Variants in CPED1 observed in about 807,000 individuals in gnomAD.
The protein encoded by CPED1 is cadherin like and PC-esterase domain containing 1.
CPED1 carries 114 observed loss-of-function variants against 128.2 expected under a neutral mutation model. That is an observed-to-expected ratio of 0.89 (90% CI 0.76 to 1.04). CPED1 has a LOEUF of 1.04. Among genes scored for constraint, CPED1 ranks in the 50% least tolerant of loss-of-function variants. The probability of loss-of-function intolerance (pLI) is 0.00; values close to 1 mark genes in which losing one functional copy is unlikely to be tolerated. For synonymous variants in CPED1, 462 were observed against 426.7 expected, an observed-to-expected ratio of 1.08 and a Z score of -1.02; for missense variants, 1,211 against 1,207.1, an observed-to-expected ratio of 1.00 and a Z score of -0.05.
At chr7:121,219,298 G>C (rs1349236608) in intron 16 of CPED1, among the ~76,000 whole-genome samples, 1 of 151,848 alleles carries the variant, frequency 6.6e-6, no homozygotes, top group East Asian at 1.9e-4. Flanking sequence ...TTTTCCAGTC[G>C]AAATCCTACA....
intron 3 of CPED1, among the ~76,000 whole-genome samples, chr7:121,030,788 A>G (rs1406704643): frequency 6.6e-6 from 1 of 152,220 alleles, no homozygotes; most frequent in African/African-American, 2.4e-5. Flanking sequence ...TGTACTATCC[A>G]TAGTTTCAGG....
intron 16 of CPED1, among the ~76,000 whole-genome samples, chr7:121,194,018 C>CTATATATATA (rs34408932): frequency 8.4e-5 from 6 of 71,526 alleles, no homozygotes; most frequent in South Asian, 1.0e-3. Flanking sequence ...CTCTCTCTCT[C>CTATATATATA]TCTCTATATA....
At chr7:121,078,761 C>G (rs1794205604) in intron 5 of CPED1, among the ~76,000 whole-genome samples, 1 of 152,142 alleles carries the variant, frequency 6.6e-6, no homozygotes, top group Non-Finnish European at 1.5e-5. Context: ...ACACTGTGAC[C>G]AGGAGAATAG....
chr7:121,256,132 A>AAAAAAAAAAC (rs1791864894), intron 18 of CPED1, among the ~76,000 whole-genome samples: 7 of 147,962 alleles, frequency 4.7e-5, no homozygotes, highest in African/African-American at 1.8e-4. Context: ...AACAAAACAA[A>AAAAAAAAAAC]AAAAAAAAAC....
intron 3 of CPED1, among the ~76,000 whole-genome samples, chr7:121,025,763 G>T (rs1055219912): frequency 6.6e-6 from 1 of 152,002 alleles, no homozygotes; most frequent in East Asian, 1.9e-4. Flanking sequence ...CTCCCGTCAA[G>T]AATTTTTTGT....
intron 2 of CPED1, among the ~76,000 whole-genome samples, chr7:121,002,654 G>A (rs1382110119): frequency 6.8e-6 from 1 of 146,416 alleles, no homozygotes; most frequent in Admixed American, 6.7e-5. Context: ...AAGGAGGTGA[G>A]TGTACTATGT....
intron 4 of CPED1, among the ~76,000 whole-genome samples, chr7:121,059,172 T>C (rs1793585653): frequency 6.6e-6 from 1 of 152,160 alleles, no homozygotes; most frequent in Non-Finnish European, 1.5e-5. Context: ...AGAGATTGAT[T>C]TCTAGCTCTA....
intron 4 of CPED1, among the ~76,000 whole-genome samples, chr7:121,053,768 T>C (rs2721337): frequency 0.81 from 123,908 of 152,146 alleles, 50,571 homozygotes; most frequent in Admixed American, 0.87. Flanking sequence ...AAAAGCTAGT[T>C]TTTCTCCCGA....
At chr7:121,004,748 T>TG (rs1280075055) in intron 2 of CPED1, among the ~76,000 whole-genome samples, 3 of 128,014 alleles carry the variant, frequency 2.3e-5, no homozygotes, top group African/African-American at 8.1e-5. Flanking sequence ...AGTAGACACT[T>TG]GTGACCATAT....
At chr7:121,121,691 T>C (rs1795393331) in intron 7 of CPED1, among the ~76,000 whole-genome samples, 1 of 152,226 alleles carries the variant, frequency 6.6e-6, no homozygotes, top group Admixed American at 6.5e-5. Context: ...TTGACTGTTT[T>C]AAATTAGGAG....
intron 5 of CPED1, among the ~76,000 whole-genome samples, chr7:121,072,153 C>A (rs1794006752): frequency 7.0e-6 from 1 of 143,602 alleles, no homozygotes; most frequent in Admixed American, 7.3e-5. Flanking sequence ...AGCCACCAAC[C>A]AATTCTACAT....
intron 22 of CPED1, among the ~76,000 whole-genome samples, chr7:121,272,841 ACAACACCC>A (rs1792259783): frequency 6.6e-6 from 1 of 151,988 alleles, no homozygotes; most frequent in African/African-American, 2.4e-5. Flanking sequence ...CAAAAATAAA[ACAACACCC>A]CAATGGGAAG....
chr7:121,114,020 C>T (rs73433953), intron 7 of CPED1, among the ~76,000 whole-genome samples: 245 of 152,094 alleles, frequency 1.6e-3, no homozygotes, highest in African/African-American at 5.5e-3. Context: ...TTTGTAGAGA[C>T]GGCCTTTCAC....
At chr7:121,116,214 TAAG>T (rs747991554) in intron 7 of CPED1, among the ~76,000 whole-genome samples, 5 of 152,178 alleles carry the variant, frequency 3.3e-5, no homozygotes, top group Non-Finnish European at 5.9e-5. Flanking sequence ...TTAGGGCTGT[TAAG>T]AAGTACGAAT....
intron 16 of CPED1, among the ~76,000 whole-genome samples, chr7:121,159,390 G>A (rs1310349611): frequency 1.3e-5 from 2 of 152,164 alleles, no homozygotes; most frequent in African/African-American, 4.8e-5. Context: ...GGAGATCAAT[G>A]AGGGCCTCTG....
At chr7:121,103,671 T>G (rs1261500281) in intron 7 of CPED1, among the ~76,000 whole-genome samples, 1 of 151,286 alleles carries the variant, frequency 6.6e-6, no homozygotes, top group Non-Finnish European at 1.5e-5. Flanking sequence ...AAACATAATT[T>G]TGTGTGTGTG....
At chr7:121,166,450 C>G (rs987301137) in intron 16 of CPED1, among the ~76,000 whole-genome samples, 19 of 152,134 alleles carry the variant, frequency 1.2e-4, no homozygotes, top group Middle Eastern at 3.2e-3. Flanking sequence ...ATTAGACATA[C>G]TGATACATTT....
chr7:121,089,052 C>G (rs1168544921), intron 5 of CPED1, among the ~76,000 whole-genome samples: 50 of 152,154 alleles, frequency 3.3e-4, no homozygotes, highest in Non-Finnish European at 1.5e-4. Context: ...GGAGTGAACT[C>G]TTGTGTTATA....
At chr7:121,183,468 T>A (rs1294599503) in intron 16 of CPED1, among the ~76,000 whole-genome samples, 1 of 152,142 alleles carries the variant, frequency 6.6e-6, no homozygotes, top group Non-Finnish European at 1.5e-5. Context: ...TCTCAGAAAT[T>A]CCAGATGTCC....
Sources: gnomAD v4.1 joint callset for allele counts (sites outside exome capture counted in the v4.1 genomes callset) on GRCh38, gnomAD v4.1.1 for gene constraint, MANE v1.5 for transcripts, NCBI Gene and HGNC (gene_info 2026-07-23, HGNC 2026-07-21) for gene names.